The following CYB5R1 variants were observed in gnomAD, a reference collection of about 807,000 sequenced individuals.
The protein encoded by CYB5R1 is cytochrome b5 reductase 1, also known as NADH-cytochrome b5 reductase 1.
In CYB5R1, 32 loss-of-function variants were observed where a neutral mutation model predicts 37.4. That is an observed-to-expected ratio of 0.86 (90% CI 0.65 to 1.15). CYB5R1 has a LOEUF of 1.15. Ranked by LOEUF, CYB5R1 falls within the 50% of genes most tolerant of loss-of-function variation. CYB5R1 has a pLI of 0.00. For missense variants in CYB5R1, 345 were observed against 382.5 expected (o/e 0.90, Z 0.82); for synonymous variants, 159 against 155.2 (o/e 1.02, Z -0.18).
chr1:202,966,491 A>G, intron 3 of CYB5R1, 37 bp downstream of exon 3: 2 of 1,608,058 alleles, frequency 1.2e-6, no homozygotes, highest in Non-Finnish European at 1.7e-6. Context: ...CCTTCTGAGG[A>G]TACCAGGGAA....
intron 7 of CYB5R1, 147 bp downstream of exon 7, chr1:202,963,495 T>C (rs1457348266): frequency 1.6e-6 from 1 of 620,734 alleles, no homozygotes; most frequent in Non-Finnish European, 2.8e-6. Flanking sequence ...TTCCTCCTTA[T>C]TGAAAGAGGA....
chr1:202,963,336 G>C, intron 7 of CYB5R1, 171 bp from the exon 8 acceptor site: 1 of 606,438 alleles, frequency 1.6e-6, no homozygotes, highest in Non-Finnish European at 2.9e-6. Flanking sequence ...GGAGAAGAGG[G>C]GAACAGCCTT....
chr1:202,965,880 C>A lies in CYB5R1; in HGVS notation c.345+7G>T, dbSNP rs1053043349. 2 of 1,592,064 alleles carry A rather than the reference C, an allele frequency of 1.3e-6. No homozygotes were observed. The highest frequency in any genetic ancestry group is 8.6e-7 in the Non-Finnish European group (1 of 1,160,012). Reference sequence around the variant, plus strand: ...AGCAGCCCCTGGGTCCCTTCCTAGCCCCTTACCTTGATGACAAGATCCACA... The same window carrying A: ...AGCAGCCCCTGGGTCCCTTCCTAGCACCTTACCTTGATGACAAGATCCACA... On this transcript the variant is annotated splice_region_variant and intron_variant, in intron 4 of 8. Transcript: ENST00000367249.
rs997242427 is a variant in CYB5R1, at chr1:202,964,911, A to C, written c.476-216T>G. The stretch of plus-strand genomic sequence containing the variant: ...GCTATCTGTGAGTCAGTTCAGCGCC[A>C]CACAATGTATCAGCTGCTTCTGGCA... On this transcript the variant is annotated intron_variant, in intron 5 of 8. Transcript: ENST00000367249. The C allele has an allele frequency of 1.8e-5, 10 of 568,710 alleles. No individual in the cohort carries two copies. The South Asian group carries it at 1.8e-4, about 10-fold the overall frequency. 35.2% of individuals were successfully genotyped at this position (568,710 alleles called of 1,614,324 possible).
chr1:202,964,404 G>A, intron 6 of CYB5R1: 1 of 578,092 alleles, frequency 1.7e-6, no homozygotes, highest in Non-Finnish European at 3.1e-6. Context: ...CATTTAATTT[G>A]TTTCTCTAAT....
intron 3 of CYB5R1, 103 bp downstream of exon 3, chr1:202,966,425 G>A (rs745366622): frequency 7.6e-7 from 1 of 1,320,794 alleles, no homozygotes; most frequent in East Asian, 2.3e-5. Context: ...GGGGAATGGT[G>A]TGTGGAGCAA....
chr1:202,963,941 A>C, intron 6 of CYB5R1: 2 of 441,946 alleles, frequency 4.5e-6, no homozygotes, highest in Non-Finnish European at 8.1e-6. Flanking sequence ...TATTGTAGAA[A>C]TCTTTCTTAG....
intron 4 of CYB5R1, 59 bp from the exon 5 acceptor site, chr1:202,965,559 G>A: frequency 6.6e-7 from 1 of 1,526,376 alleles, no homozygotes; most frequent in East Asian, 2.4e-5. Context: ...TGAGCCCCAT[G>A]TTGACTAAAC....
At chr1:202,963,819 G>A in intron 6 of CYB5R1, 92 bp from the exon 7 acceptor site, 1 of 723,604 alleles carries the variant, frequency 1.4e-6, no homozygotes, top group Non-Finnish European at 2.2e-6. Flanking sequence ...TCTTCATTCT[G>A]CTCATTCACC....
In CYB5R1 at chr1:202,962,322, T is replaced by G; in HGVS notation, c.*205A>C. On this transcript the variant is annotated 3_prime_UTR_variant, in exon 9 of 9. Transcript: ENST00000367249. ...TCCTGGACCTGTTGCCACGGGGAGA[T>G]TTAGGAGGCCATCCAAGGAGTGACT... The G allele has an allele frequency of 1.2e-5, 7 of 576,308 alleles. No homozygotes were observed. The highest frequency in any genetic ancestry group is 1.5e-5 in the Non-Finnish European group (5 of 344,348). 35.7% of individuals were successfully genotyped at this position (576,308 alleles called of 1,614,324 possible). A position where few individuals can be genotyped will look rare whatever the true frequency, so the allele number is the denominator to read the frequency against.
Position 202,962,390 on chromosome 1 carries a change from C to T in CYB5R1, c.*137G>A. 9.4e-7 allele frequency: 1 copy of T among 1,058,798 alleles called. No individual in the cohort carries two copies. The highest frequency in any genetic ancestry group is 1.4e-6 in the Non-Finnish European group (1 of 732,558). 65.6% of individuals were successfully genotyped at this position (1,058,798 alleles called of 1,614,324 possible). On this transcript the variant is annotated 3_prime_UTR_variant, in exon 9 of 9. Transcript: ENST00000367249. The stretch of plus-strand genomic sequence containing the variant: ...CATGGCTACAGGAATATTGTTCCTG[C>T]AGGTACTATCCAGATTTCAGCTCTA...
At chr1:202,964,882 C>A in intron 5 of CYB5R1, 187 bp from the exon 6 acceptor site, 1 of 606,554 alleles carries the variant, frequency 1.6e-6, no homozygotes, top group Non-Finnish European at 3.0e-6. Context: ...ACAATGGGGC[C>A]AGGGCTATCT....
In CYB5R1 at chr1:202,966,918, C is replaced by A; in HGVS notation, c.16-20G>T. On this transcript the variant is annotated intron_variant, in intron 1 of 8. Coordinates refer to ENST00000367249, the MANE Select transcript of CYB5R1 (RefSeq NM_016243.3). ...GGGGCTCTGTGGGTAGAGGAGGCAGCGTGACCGCCAGGCTGGGTAAGAGCC... is the reference window on the plus strand; with the variant it reads ...GGGGCTCTGTGGGTAGAGGAGGCAGAGTGACCGCCAGGCTGGGTAAGAGCC... The A allele has an allele frequency of 1.3e-6, 2 of 1,586,372 alleles. No homozygotes were observed. Among genetic ancestry groups the A allele is most frequent in the Non-Finnish European group, 1.7e-6 (2 of 1,166,780 alleles).
At chr1:202,964,185 T>C (rs1259719438) in intron 6 of CYB5R1, 1 of 189,362 alleles carries the variant, frequency 5.3e-6, no homozygotes, top group African/African-American at 2.4e-5. Context: ...ATTGTCTCTC[T>C]GTAAAAGGAA....
chr1:202,967,090 G>T, intron 1 of CYB5R1, 101 bp downstream of exon 1: 2 of 1,494,978 alleles, frequency 1.3e-6, no homozygotes, highest in South Asian at 2.4e-5. Context: ...CCAGAGCCCT[G>T]CGGGGCGGGG....
chr1:202,966,707 C>A lies in CYB5R1; in HGVS notation c.165+42G>T, dbSNP rs1309114334. The A allele has an allele frequency of 3.7e-6, 6 of 1,612,414 alleles. No homozygotes were observed. The South Asian group carries it at 6.6e-5, about 18-fold the overall frequency. On this transcript the variant is annotated intron_variant, in intron 2 of 8. Coordinates refer to ENST00000367249, the MANE Select transcript of CYB5R1 (RefSeq NM_016243.3). ...CTGTACCCTCCATGCCAGGAGCACT[C>A]TGGTCCCCTCCTTCACCCTGGCCCT...
At chr1:202,967,060 C>T in intron 1 of CYB5R1, 131 bp downstream of exon 1, 1 of 1,428,732 alleles carries the variant, frequency 7.0e-7, no homozygotes, top group Non-Finnish European at 9.6e-7. Flanking sequence ...GGGATCGGGA[C>T]CCCAGCATCC....
At chr1:202,965,156 C>G in intron 5 of CYB5R1, 1 of 569,732 alleles carries the variant, frequency 1.8e-6, no homozygotes, top group Non-Finnish European at 3.0e-6. Context: ...TCCACAGCTG[C>G]CATGGCTAGG....
In CYB5R1 at chr1:202,967,212, G is replaced by A. The variant is rs536344173; in HGVS notation, c.-7C>T. 1 of 1,611,612 alleles carries A rather than the reference G, an allele frequency of 6.2e-7. No individual in the cohort carries two copies. The highest frequency in any genetic ancestry group is 2.2e-5 in the East Asian group (1 of 44,760). ...TTACCGTCTGGATCCCCATGACGGA[G>A]CGCCTTTTCCTCCACCACCTGACAA... On this transcript the variant is annotated 5_prime_UTR_variant, in exon 1 of 9. Coordinates refer to ENST00000367249, the MANE Select transcript of CYB5R1 (RefSeq NM_016243.3).
Sources: allele counts gnomAD v4.1 joint callset, GRCh38; gene constraint gnomAD v4.1.1; transcripts MANE v1.5; gene names NCBI Gene and HGNC (gene_info 2026-07-23, HGNC 2026-07-21).